The following USP53 variants were observed in gnomAD, a reference collection of about 807,000 sequenced individuals.
USP53 encodes the protein ubiquitin specific peptidase 53.
Under a neutral mutation model 94.9 loss-of-function variants are expected in USP53, and 71 were observed. The observed-to-expected ratio is 0.75, with a 90% CI of 0.62 to 0.91. USP53 has a LOEUF of 0.91. Among genes scored for constraint, USP53 ranks in the 40% least tolerant of loss-of-function variants. USP53 has a pLI of 0.00. For missense variants in USP53, 1,173 were observed against 1,281.0 expected (o/e 0.92, Z 1.29); for synonymous variants, 375 against 422.7 (o/e 0.89, Z 1.39).
At chr4:119,246,532 C>T (rs759866526) in intron 6 of USP53, among the ~76,000 whole-genome samples, 2 of 152,212 alleles carry the variant, frequency 1.3e-5, no homozygotes, top group Non-Finnish European at 2.9e-5. Context: ...CAGAGACATG[C>T]TGTCCCCACC....
At chr4:119,277,965 C>T (rs1352532221) in intron 17 of USP53, among the ~76,000 whole-genome samples, 25 of 134,932 alleles carry the variant, frequency 1.9e-4, no homozygotes, top group African/African-American at 6.7e-4. Flanking sequence ...AGATCTTCCT[C>T]CATCCTTTTA....
At chr4:119,286,334 G>A (rs1313217946) in intron 17 of USP53, among the ~76,000 whole-genome samples, 1 of 150,972 alleles carries the variant, frequency 6.6e-6, no homozygotes, top group Non-Finnish European at 1.5e-5. Flanking sequence ...AATCAAAATG[G>A]GCATTATTAA....
chr4:119,244,772 A>G (rs1302330280), intron 5 of USP53, among the ~76,000 whole-genome samples: 1 of 152,150 alleles, frequency 6.6e-6, no homozygotes, highest in Non-Finnish European at 1.5e-5. Context: ...TGCATCAAGT[A>G]TATACTTAGG....
intron 2 of USP53, among the ~76,000 whole-genome samples, chr4:119,214,489 G>C (rs1333063717): frequency 6.6e-6 from 1 of 151,718 alleles, no homozygotes; most frequent in Non-Finnish European, 1.5e-5. Flanking sequence ...GATTGTGTAA[G>C]TTCATGGAAT....
Position 119,276,133 on chromosome 4 carries a change from A to G in USP53, c.2251+2425A>G, listed in dbSNP as rs1230868587. Among the ~76,000 whole-genome samples, 836 of 100,038 alleles carry G rather than the reference A, an allele frequency of 8.4e-3. 38 individuals carry two copies. Among genetic ancestry groups the G allele is most frequent in the African/African-American group, 0.024 (777 of 32,100 alleles). 65.6% of individuals were successfully genotyped at this position (100,038 alleles called of 152,430 possible). On this transcript the variant is annotated intron_variant, in intron 17 of 18. Transcript: ENST00000692078. ...TGTCCTGGCCAGAACTTCCAACACT[A>G]TGTTGAATAGGAGTGGTGAGAGAGG...
At chr4:119,233,221 G>T in intron 3 of USP53, among the ~76,000 whole-genome samples, 1 of 147,114 alleles carries the variant, frequency 6.8e-6, no homozygotes, top group South Asian at 2.2e-4. Flanking sequence ...GATTTTGTCA[G>T]TTTTTGTAAA....
At chr4:119,275,558 T>G (rs1194294086) in intron 17 of USP53, among the ~76,000 whole-genome samples, 2 of 149,794 alleles carry the variant, frequency 1.3e-5, no homozygotes, top group Non-Finnish European at 3.0e-5. Flanking sequence ...TTCTTTTGGC[T>G]TAGGATTGAC....
chr4:119,252,956 A>C (rs1157086275), intron 7 of USP53, among the ~76,000 whole-genome samples: 1 of 152,086 alleles, frequency 6.6e-6, no homozygotes, highest in Non-Finnish European at 1.5e-5. Context: ...TTGGTTTTAA[A>C]GAACATCTTT....
At chr4:119,280,052 A>G (rs1753311040) in intron 17 of USP53, among the ~76,000 whole-genome samples, 1 of 151,924 alleles carries the variant, frequency 6.6e-6, no homozygotes, top group South Asian at 2.1e-4. Flanking sequence ...TGCAGAAATC[A>G]CCCGTCTTCT....
At chr4:119,240,720 AG>A (rs1443692683) in intron 5 of USP53, among the ~76,000 whole-genome samples, 4 of 152,218 alleles carry the variant, frequency 2.6e-5, no homozygotes, top group African/African-American at 9.6e-5. Flanking sequence ...AAACACATGT[AG>A]AATGTGTCAA....
intron 17 of USP53, among the ~76,000 whole-genome samples, chr4:119,284,303 AC>A (rs1177296909): frequency 6.6e-6 from 1 of 151,606 alleles, no homozygotes; most frequent in Admixed American, 6.6e-5. Flanking sequence ...AAAAAAAAAA[AC>A]CCTATTATTA....
At chr4:119,227,256 TACACACAC>T (rs3138727) in intron 3 of USP53, among the ~76,000 whole-genome samples, 15,053 of 125,072 alleles carry the variant, frequency 0.12, 844 homozygotes, top group Middle Eastern at 0.14. Context: ...TGTCTAACAC[TACACACAC>T]ACACACACAC....
In USP53 at chr4:119,267,478, TA is replaced by T; in HGVS notation, c.1132del (p.Met378TrpfsTer7). On this transcript the variant is annotated frameshift_variant, in exon 13 of 19. Transcript: ENST00000692078. LOFTEE classifies it high-confidence loss of function. Reference sequence around the variant, plus strand: ...CACATTACAAATCTGTTGCAGAAAATATGGGTAATTCTTTCTTTTAAAAATT... The same window carrying T: ...CACATTACAAATCTGTTGCAGAAAATTGGGTAATTCTTTCTTTTAAAAATT... ...WSHYKSVAEN[M>X]GCEKPVIHKS... 1 of 1,607,236 alleles carries T rather than the reference TA, an allele frequency of 6.2e-7. No individual in the cohort carries two copies. Among genetic ancestry groups the T allele is most frequent in the Non-Finnish European group, 8.5e-7 (1 of 1,178,110 alleles).
At chr4:119,290,619 G>T (rs62328406) in intron 17 of USP53, among the ~76,000 whole-genome samples, 4,415 of 152,156 alleles carry the variant, frequency 0.029, 108 homozygotes, top group Middle Eastern at 0.061. Context: ...ATTAGTAGTG[G>T]TATATTTTAT....
At chr4:119,222,128 TCTTC>T (rs1456425532) in intron 3 of USP53, among the ~76,000 whole-genome samples, 5 of 152,244 alleles carry the variant, frequency 3.3e-5, no homozygotes, top group African/African-American at 9.6e-5. Flanking sequence ...TTTTTTATTT[TCTTC>T]CTTATTCTTG....
In USP53 at chr4:119,226,937, G is replaced by A. The variant is rs192080707; in HGVS notation, c.-664-8353G>A. On this transcript the variant is annotated intron_variant, in intron 3 of 18. Coordinates refer to ENST00000692078, the MANE Select transcript of USP53 (RefSeq NM_001371395.1). ...CAACCTCTACCTTCCAGGCTCACTCGATCCTCCCACCTCAGCCTCCTGAGG... is the reference window on the plus strand; with the variant it reads ...CAACCTCTACCTTCCAGGCTCACTCAATCCTCCCACCTCAGCCTCCTGAGG... Among the ~76,000 whole-genome samples the A allele has an allele frequency of 2.6e-3, 395 of 152,122 alleles. 4 individuals carry two copies. The highest frequency in any genetic ancestry group is 0.023 in the Admixed American group (355 of 15,290).
At chr4:119,289,568 T>C (rs1179392350) in intron 17 of USP53, among the ~76,000 whole-genome samples, 3 of 152,218 alleles carry the variant, frequency 2.0e-5, no homozygotes, top group Non-Finnish European at 4.4e-5. Flanking sequence ...GCTATCATTA[T>C]TGTGGTGGTA....
intron 17 of USP53, among the ~76,000 whole-genome samples, chr4:119,276,329 A>G (rs1172616632): frequency 6.6e-6 from 1 of 150,700 alleles, no homozygotes; most frequent in Non-Finnish European, 1.5e-5. Context: ...ATTTTGTCAA[A>G]GGCTTTTTCT....
In USP53 at chr4:119,267,331, A is replaced by C; in HGVS notation, c.984A>C (p.Arg328Ser). 1 of 1,613,370 alleles carries C rather than the reference A, an allele frequency of 6.2e-7. No homozygotes were observed. Among genetic ancestry groups the C allele is most frequent in the Non-Finnish European group, 8.5e-7 (1 of 1,179,832 alleles). Residue 328 changes from arginine (R) to serine (S), a missense_variant, in exon 13 of 19, where the codon AGA (arginine) becomes AGC (serine). By Grantham distance (110) the Arg-to-Ser change is moderately radical. Transcript: ENST00000692078. The part of the protein sequence containing the change: ...DDANVKEIGT[R>S]WKDVVSKCIR... ...TGTTTTTTTAAAAGATTGGAACTAG[A>C]TGGAAAGATGTTGTCTCCAAATGCA... is the stretch of plus-strand genomic sequence containing the variant.
Sources: gnomAD v4.1 joint callset for allele counts (sites outside exome capture counted in the v4.1 genomes callset) on GRCh38, gnomAD v4.1.1 for gene constraint, MANE v1.5 for transcripts, NCBI Gene and HGNC (gene_info 2026-07-23, HGNC 2026-07-21) for gene names.